The following IMMP2L variants were observed in gnomAD, a reference collection of about 807,000 sequenced individuals.
IMMP2L encodes the protein inner mitochondrial membrane peptidase subunit 2.
Under a neutral mutation model 19.3 loss-of-function variants are expected in IMMP2L, and 18 were observed. The observed-to-expected ratio is 0.93, with a 90% CI of 0.64 to 1.38. The LOEUF is 1.38. Ranked by LOEUF, IMMP2L falls within the 40% of genes most tolerant of loss-of-function variation. IMMP2L has a pLI of 0.00. For missense variants in IMMP2L, 233 were observed against 218.2 expected, an observed-to-expected ratio of 1.07 and a Z score of -0.43; for synonymous variants, 76 against 73.0, an observed-to-expected ratio of 1.04 and a Z score of -0.21.
intron 5 of IMMP2L, among the ~76,000 whole-genome samples, chr7:110,681,511 C>T (rs1792717109): frequency 6.6e-6 from 1 of 152,144 alleles, no homozygotes; most frequent in African/African-American, 2.4e-5. Flanking sequence ...CTGTAAGGAA[C>T]ACTTGCTGAG....
chr7:110,906,157 A>G (rs1047137598), intron 4 of IMMP2L, among the ~76,000 whole-genome samples: 3 of 152,252 alleles, frequency 2.0e-5, no homozygotes, highest in African/African-American at 7.2e-5. Context: ...TTAGTCTTTC[A>G]AAACATTTGG....
chr7:111,212,178 C>T (rs1268919487), intron 3 of IMMP2L, among the ~76,000 whole-genome samples: 1 of 152,132 alleles, frequency 6.6e-6, no homozygotes, highest in African/African-American at 2.4e-5. Flanking sequence ...CTCTATCTCT[C>T]TCTCTCTCTC....
intron 3 of IMMP2L, among the ~76,000 whole-genome samples, chr7:110,994,052 C>G (rs1822774267): frequency 6.6e-6 from 1 of 151,484 alleles, no homozygotes; most frequent in Non-Finnish European, 1.5e-5. Flanking sequence ...TCTGTGCCAT[C>G]TCTAATGCCA....
chr7:110,851,251 G>T (rs1806195359), intron 5 of IMMP2L, among the ~76,000 whole-genome samples: 1 of 152,066 alleles, frequency 6.6e-6, no homozygotes, highest in African/African-American at 2.4e-5. Context: ...GGTACACAAA[G>T]ATTTATATAA....
intron 4 of IMMP2L, among the ~76,000 whole-genome samples, chr7:110,908,908 T>G (rs1314995704): frequency 6.6e-6 from 1 of 152,210 alleles, no homozygotes; most frequent in African/African-American, 2.4e-5. Flanking sequence ...CTCAAGGAAC[T>G]TTAAATTTAG....
At chr7:110,932,689 G>A (rs1815640997) in intron 4 of IMMP2L, among the ~76,000 whole-genome samples, 1 of 152,136 alleles carries the variant, frequency 6.6e-6, no homozygotes, top group South Asian at 2.1e-4. Context: ...AGTGACATTT[G>A]AGAAAATATT....
chr7:111,096,394 T>A (rs1232761764), intron 3 of IMMP2L, among the ~76,000 whole-genome samples: 1 of 151,824 alleles, frequency 6.6e-6, no homozygotes, highest in Non-Finnish European at 1.5e-5. Flanking sequence ...GATCTTACCC[T>A]TCCAACAACT....
chr7:111,489,333 G>C (rs914478212), intron 2 of IMMP2L, among the ~76,000 whole-genome samples: 4 of 151,914 alleles, frequency 2.6e-5, no homozygotes, highest in African/African-American at 9.7e-5. Context: ...GTGAGCCACC[G>C]CGCCTGGCCT....
At chr7:111,485,413 C>T (rs1842547688) in intron 3 of IMMP2L, among the ~76,000 whole-genome samples, 1 of 151,686 alleles carries the variant, frequency 6.6e-6, no homozygotes, top group Non-Finnish European at 1.5e-5. Flanking sequence ...TCGTGGCTAA[C>T]ACGGTGAAAC....
chr7:111,330,944 T>C (rs1274883865), intron 3 of IMMP2L, among the ~76,000 whole-genome samples: 1 of 151,872 alleles, frequency 6.6e-6, no homozygotes, highest in African/African-American at 2.4e-5. Flanking sequence ...TTGACAAGGA[T>C]GTGGAGAAAA....
chr7:111,532,159 G>A (rs994961793), intron 1 of IMMP2L, among the ~76,000 whole-genome samples: 16 of 152,088 alleles, frequency 1.1e-4, no homozygotes, highest in African/African-American at 3.9e-4. Context: ...CATGAGTAAT[G>A]GAAAAGTATC....
At chr7:111,496,712 G>A (rs1241917879) in intron 2 of IMMP2L, among the ~76,000 whole-genome samples, 1 of 152,156 alleles carries the variant, frequency 6.6e-6, no homozygotes, top group Non-Finnish European at 1.5e-5. Context: ...GCAGCCCCCA[G>A]GTCTCAGGCC....
rs1262529931 is a variant in IMMP2L, at chr7:110,727,088, T to TA, written c.409-63368dup. ...AAAGCATTCAGAAGTCAGTGAGCTT[T>TA]AAAATCCTCCAAGTCCAGGCTGGGT... On this transcript the variant is annotated intron_variant, in intron 5 of 5. Coordinates refer to ENST00000405709, the MANE Select transcript of IMMP2L (RefSeq NM_032549.4). The surrounding 1 kb of genome is among the most constrained non-coding windows in gnomAD (Gnocchi z 4.3). Among the ~76,000 whole-genome samples the TA allele has an allele frequency of 6.6e-6, 1 of 152,166 alleles. No homozygotes were observed. Among genetic ancestry groups the TA allele is most frequent in the Admixed American group, 6.5e-5 (1 of 15,274 alleles).
At position 111,123,248 on chromosome 7, in the gene IMMP2L, C is replaced by G. The variant is rs368805422; in HGVS notation, c.240-159683G>C. ...TTGCTTTCTACAATTTCACCTGGAG[C>G]CTTTATTGGCCTACATAATCTTCTT... On this transcript the variant is annotated intron_variant, in intron 3 of 5. Coordinates refer to ENST00000405709, the MANE Select transcript of IMMP2L (RefSeq NM_032549.4). The surrounding 1 kb of genome is among the most constrained non-coding windows in gnomAD (Gnocchi z 6.4). 7.9e-5 allele frequency: 127 copies of G among 1,613,660 alleles called. 1 individual carries two copies. Among genetic ancestry groups the G allele is most frequent in the East Asian group, 3.8e-4 (17 of 44,858 alleles).
chr7:110,795,141 A>C (rs1163763550), intron 5 of IMMP2L, among the ~76,000 whole-genome samples: 3 of 152,166 alleles, frequency 2.0e-5, no homozygotes, highest in Admixed American at 1.3e-4. Context: ...TGTTGAAGAC[A>C]AACATTGCAA....
At chr7:110,818,583 A>C (rs1802749710) in intron 5 of IMMP2L, among the ~76,000 whole-genome samples, 1 of 152,130 alleles carries the variant, frequency 6.6e-6, no homozygotes, top group Non-Finnish European at 1.5e-5. Flanking sequence ...AGAACTAGAA[A>C]TACCATTTGA....
At chr7:111,402,996 C>CCA (rs200814639) in intron 3 of IMMP2L, among the ~76,000 whole-genome samples, 1,694 of 97,586 alleles carry the variant, frequency 0.017, 198 homozygotes, top group African/African-American at 0.067. Context: ...CCTTGACCCC[C>CCA]CCCCCCCACC....
chr7:111,125,053 C>T (rs576805209), intron 3 of IMMP2L: 1 of 584,334 alleles, frequency 1.7e-6, no homozygotes, highest in South Asian at 2.7e-5. Flanking sequence ...AATGCTGCTC[C>T]TGACCAATGG....
chr7:111,278,648 C>T (rs1195334738), intron 3 of IMMP2L, among the ~76,000 whole-genome samples: 1 of 152,136 alleles, frequency 6.6e-6, no homozygotes, highest in African/African-American at 2.4e-5. Flanking sequence ...CAACTGAAGA[C>T]TTTTTCATCT....
Sources: gnomAD v4.1 joint callset for allele counts (sites outside exome capture counted in the v4.1 genomes callset) on GRCh38, gnomAD v4.1.1 for gene constraint, Gnocchi (gnomAD v3.1) non-coding constraint, MANE v1.5 for transcripts, NCBI Gene and HGNC (gene_info 2026-07-23, HGNC 2026-07-21) for gene names.